LRMDA: variants seen among roughly 807,000 people sequenced by gnomAD.
LRMDA encodes the protein leucine-rich melanocyte differentiation-associated protein.
A neutral mutation model predicts 29.8 loss-of-function variants in LRMDA; 18 were observed. The observed-to-expected ratio is 0.60, with a 90% CI of 0.42 to 0.90. LRMDA has a LOEUF of 0.90. Among genes scored for constraint, LRMDA ranks in the 40% least tolerant of loss-of-function variants. The pLI, the probability that LRMDA is intolerant of heterozygous loss-of-function variation, is 0.00. For synonymous variants in LRMDA, 125 were observed against 109.4 expected, an observed-to-expected ratio of 1.14 and a Z score of -0.89; for missense variants, 273 against 273.9, an observed-to-expected ratio of 1.00 and a Z score of 0.02.
chr10:75,903,819 C>T (rs1845717026), intron 2 of LRMDA, among the ~76,000 whole-genome samples: 1 of 152,190 alleles, frequency 6.6e-6, no homozygotes, highest in Non-Finnish European at 1.5e-5. Context: ...GTTACTTGTG[C>T]CTACTAAAGA....
chr10:76,480,093 CTG>C (rs550778112), intron 6 of LRMDA, among the ~76,000 whole-genome samples: 14 of 152,046 alleles, frequency 9.2e-5, no homozygotes, highest in African/African-American at 2.4e-4. Flanking sequence ...GATAAGGAAA[CTG>C]AGTCTCAGAG....
In LRMDA at chr10:75,553,701, T is replaced by C. The variant is rs1328396370; in HGVS notation, c.131+115207T>C. On this transcript the variant is annotated intron_variant, in intron 2 of 6. Transcript: ENST00000611255. Reference sequence around the variant, plus strand: ...ACATATTTTGCTTCTATCTCTCCTTTAGTTAAAGCGCACCTTTTAAGGAGG... The same window carrying C: ...ACATATTTTGCTTCTATCTCTCCTTCAGTTAAAGCGCACCTTTTAAGGAGG... 3.3e-5 allele frequency among the ~76,000 whole-genome samples: 5 copies of C among 152,188 alleles called. No individual in the cohort carries two copies. The South Asian group carries it at 8.3e-4, about 25-fold the overall frequency.
intron 2 of LRMDA, chr10:75,782,726 G>A (rs988530763): frequency 4.5e-5 from 59 of 1,307,388 alleles, no homozygotes; most frequent in African/African-American, 8.9e-5. Flanking sequence ...GATGGAGACC[G>A]GGGCGAAACT....
chr10:76,012,156 G>C (rs1184340367), intron 2 of LRMDA, among the ~76,000 whole-genome samples: 1 of 152,218 alleles, frequency 6.6e-6, no homozygotes, highest in Non-Finnish European at 1.5e-5. Context: ...AAGTCCTGCT[G>C]TCAACATTGG....
chr10:76,223,167 A>G (rs1256822421), intron 5 of LRMDA, among the ~76,000 whole-genome samples: 2 of 152,062 alleles, frequency 1.3e-5, no homozygotes, highest in African/African-American at 4.8e-5. Context: ...CCTAATGCTA[A>G]ATGACGAGTT....
chr10:75,677,209 A>G (rs1380660682), intron 2 of LRMDA, among the ~76,000 whole-genome samples: 1 of 152,168 alleles, frequency 6.6e-6, no homozygotes, highest in Non-Finnish European at 1.5e-5. Flanking sequence ...AACTGTGTAT[A>G]TTTGTTAATG....
At chr10:76,226,128 A>C (rs1372232214) in intron 5 of LRMDA, among the ~76,000 whole-genome samples, 1 of 152,084 alleles carries the variant, frequency 6.6e-6, no homozygotes, top group East Asian at 1.9e-4. Context: ...GAGACTGGAT[A>C]ATTTATAAAG....
At chr10:75,486,520 G>A (rs893498673) in intron 2 of LRMDA, among the ~76,000 whole-genome samples, 4 of 152,164 alleles carry the variant, frequency 2.6e-5, no homozygotes, top group South Asian at 2.1e-4. Flanking sequence ...TGCTGGTAGT[G>A]CATAGGAGTT....
At chr10:75,542,826 C>T (rs1280226233) in intron 2 of LRMDA, among the ~76,000 whole-genome samples, 2 of 152,196 alleles carry the variant, frequency 1.3e-5, no homozygotes, top group Non-Finnish European at 2.9e-5. Flanking sequence ...ATTGGTTTCG[C>T]TTGATCCAAC....
chr10:76,027,181 C>T (rs1446215402), intron 2 of LRMDA, among the ~76,000 whole-genome samples: 2 of 152,128 alleles, frequency 1.3e-5, no homozygotes, highest in Non-Finnish European at 2.9e-5. Flanking sequence ...TTGAATCTGG[C>T]ACCTGGAATT....
chr10:75,454,463 T>C (rs890593716), intron 2 of LRMDA, among the ~76,000 whole-genome samples: 7 of 152,152 alleles, frequency 4.6e-5, no homozygotes, highest in African/African-American at 1.7e-4. Context: ...AGCACCATAC[T>C]CTGGGGTATC....
At chr10:75,684,668 CATT>C (rs1294057073) in intron 2 of LRMDA, among the ~76,000 whole-genome samples, 1 of 152,208 alleles carries the variant, frequency 6.6e-6, no homozygotes, top group East Asian at 1.9e-4. Context: ...ATTCTTGTGA[CATT>C]ATAACTCCTT....
chr10:75,571,727 G>A (rs1840440225), intron 2 of LRMDA, among the ~76,000 whole-genome samples: 1 of 152,070 alleles, frequency 6.6e-6, no homozygotes, highest in African/African-American at 2.4e-5. Context: ...ATTCTGTCAA[G>A]TCTACAAGAG....
Position 75,715,458 on chromosome 10 carries a change from T to A in LRMDA, c.131+276964T>A, listed in dbSNP as rs533419091. Among the ~76,000 whole-genome samples, 319 of 152,290 alleles carry A rather than the reference T, an allele frequency of 2.1e-3. 1 individual carries two copies. Among genetic ancestry groups the A allele is most frequent in the Non-Finnish European group, 3.3e-3 (227 of 68,022 alleles). ...TGTAAATCTTAACTGCCTTTTTTTT[T>A]AAATACATATATATGTGACATTTTT... On this transcript the variant is annotated intron_variant, in intron 2 of 6. Transcript: ENST00000611255.
At chr10:76,230,374 T>C (rs1564693635) in intron 5 of LRMDA, among the ~76,000 whole-genome samples, 1 of 152,186 alleles carries the variant, frequency 6.6e-6, no homozygotes, top group African/African-American at 2.4e-5. Flanking sequence ...ATATACTTTT[T>C]TGGATATTAT....
At chr10:76,023,805 C>T (rs935415172) in intron 2 of LRMDA, among the ~76,000 whole-genome samples, 1 of 152,226 alleles carries the variant, frequency 6.6e-6, no homozygotes, top group African/African-American at 2.4e-5. Flanking sequence ...GGAGGTTTAG[C>T]CACTGACCTG....
chr10:76,077,943 G>A (rs1320464279), intron 5 of LRMDA, among the ~76,000 whole-genome samples: 1 of 144,940 alleles, frequency 6.9e-6, no homozygotes, highest in East Asian at 2.1e-4. Context: ...ACTTGGCCTG[G>A]ATATATTCAA....
chr10:76,063,060 C>T (rs1397753951), intron 5 of LRMDA, among the ~76,000 whole-genome samples: 1 of 152,206 alleles, frequency 6.6e-6, no homozygotes, highest in Non-Finnish European at 1.5e-5. Flanking sequence ...GCAAAGAGCA[C>T]AGTTGTCATT....
intron 6 of LRMDA, among the ~76,000 whole-genome samples, chr10:76,325,966 A>G (rs1290292170): frequency 6.6e-6 from 1 of 152,228 alleles, no homozygotes; most frequent in Non-Finnish European, 1.5e-5. Flanking sequence ...TTAGAGTTCA[A>G]ATAAGTGCTC....
Sources: allele counts gnomAD v4.1 joint callset (sites outside exome capture counted in the v4.1 genomes callset), GRCh38; gene constraint gnomAD v4.1.1; transcripts MANE v1.5; gene names NCBI Gene and HGNC (gene_info 2026-07-23, HGNC 2026-07-21).